The following CNTNAP2 variants were observed in gnomAD, a reference collection of about 807,000 sequenced individuals.
The protein encoded by CNTNAP2 is contactin-associated protein-like 2.
CNTNAP2 carries 98 observed loss-of-function variants against 155.2 expected under a neutral mutation model. The ratio of observed to expected loss-of-function variants is 0.63; its 90% confidence interval spans 0.54 to 0.75. The LOEUF is 0.75. Ranked by LOEUF, CNTNAP2 falls within the 30% of genes least tolerant of loss-of-function variation. The pLI, the probability that CNTNAP2 is intolerant of heterozygous loss-of-function variation, is 0.00. For synonymous variants in CNTNAP2, 651 were observed against 631.2 expected (o/e 1.03, Z -0.47); for missense variants, 1,727 against 1,688.1 (o/e 1.02, Z -0.40).
At chr7:147,224,087 A>G (rs1803469091) in intron 8 of CNTNAP2, among the ~76,000 whole-genome samples, 1 of 152,182 alleles carries the variant, frequency 6.6e-6, no homozygotes, top group Non-Finnish European at 1.5e-5. Context: ...TTGCTTCAGC[A>G]TGTTGTGATT....
intron 1 of CNTNAP2, among the ~76,000 whole-genome samples, chr7:146,177,078 C>G (rs1798480836): frequency 6.6e-6 from 1 of 152,210 alleles, no homozygotes; most frequent in Non-Finnish European, 1.5e-5. Flanking sequence ...ACTCCAGCCC[C>G]TTCTGCTCAA....
chr7:148,204,435 C>T (rs759306557), intron 18 of CNTNAP2, among the ~76,000 whole-genome samples: 1 of 151,114 alleles, frequency 6.6e-6, no homozygotes, highest in Non-Finnish European at 1.5e-5. Context: ...CAATAATCAG[C>T]AAATGGGAAT....
chr7:146,912,770 C>A (rs578231663), intron 3 of CNTNAP2, among the ~76,000 whole-genome samples: 7 of 152,146 alleles, frequency 4.6e-5, no homozygotes, highest in Non-Finnish European at 1.5e-5. Flanking sequence ...TATTTGACTG[C>A]GGGAATGAAA....
intron 1 of CNTNAP2, among the ~76,000 whole-genome samples, chr7:146,376,887 T>C (rs1465230989): frequency 6.6e-6 from 1 of 152,132 alleles, no homozygotes; most frequent in Non-Finnish European, 1.5e-5. Context: ...TGTCAGGATA[T>C]AGCATTAGTC....
intron 19 of CNTNAP2, 130 bp from the exon 20 acceptor site, chr7:148,229,516 C>A: frequency 1.6e-6 from 2 of 1,250,002 alleles, no homozygotes; most frequent in South Asian, 1.3e-5. Context: ...GAGCAAGACT[C>A]CGTCAAAAAA....
chr7:146,473,858 C>A (rs1584941638), intron 1 of CNTNAP2, among the ~76,000 whole-genome samples: 2 of 152,272 alleles, frequency 1.3e-5, no homozygotes, highest in African/African-American at 4.8e-5. Context: ...AAAATAACAT[C>A]TTTAAAAATC....
At chr7:147,287,488 C>A (rs946939624) in intron 8 of CNTNAP2, among the ~76,000 whole-genome samples, 1 of 152,068 alleles carries the variant, frequency 6.6e-6, no homozygotes, top group Non-Finnish European at 1.5e-5. Context: ...AGCAAAGAAT[C>A]TCTGCTACCT....
At chr7:146,684,363 A>G (rs573650249) in intron 1 of CNTNAP2, among the ~76,000 whole-genome samples, 2 of 152,286 alleles carry the variant, frequency 1.3e-5, no homozygotes, top group African/African-American at 4.8e-5. Flanking sequence ...TTATGTATCA[A>G]TAGCTATGCA....
chr7:146,573,309 A>T (rs1798471773), intron 1 of CNTNAP2, among the ~76,000 whole-genome samples: 1 of 151,988 alleles, frequency 6.6e-6, no homozygotes, highest in South Asian at 2.1e-4. Flanking sequence ...TGCCTAGCTA[A>T]GTTTTGTATT....
chr7:148,384,026 A>T (rs1799134544), intron 22 of CNTNAP2, 138 bp downstream of exon 22: 3 of 1,238,460 alleles, frequency 2.4e-6, no homozygotes, highest in Non-Finnish European at 3.4e-6. Context: ...GAACGTTGTG[A>T]GTACGGAGTT....
intron 1 of CNTNAP2, among the ~76,000 whole-genome samples, chr7:146,464,050 C>G (rs982983577): frequency 4.6e-5 from 7 of 152,050 alleles, no homozygotes; most frequent in African/African-American, 1.7e-4. Context: ...TTTTCTCCTA[C>G]TTATTTTCTT....
intron 3 of CNTNAP2, among the ~76,000 whole-genome samples, chr7:146,956,280 C>A (rs1038952090): frequency 1.3e-5 from 2 of 152,006 alleles, no homozygotes; most frequent in Non-Finnish European, 2.9e-5. Context: ...AGTGCATGAC[C>A]GTGGTAATAT....
intron 11 of CNTNAP2, among the ~76,000 whole-genome samples, chr7:147,514,436 A>T (rs954585122): frequency 6.6e-6 from 1 of 151,982 alleles, no homozygotes; most frequent in Non-Finnish European, 1.5e-5. Context: ...ATCTACTTTA[A>T]AAGTCTATTA....
intron 1 of CNTNAP2, among the ~76,000 whole-genome samples, chr7:146,740,481 CTGTT>C (rs1427521124): frequency 2.6e-5 from 4 of 152,060 alleles, no homozygotes; most frequent in Non-Finnish European, 5.9e-5. Flanking sequence ...CTTAAAATAT[CTGTT>C]TGGTGTTGTC....
At chr7:146,949,399 G>C (rs947954879) in intron 3 of CNTNAP2, among the ~76,000 whole-genome samples, 10 of 152,188 alleles carry the variant, frequency 6.6e-5, no homozygotes, top group African/African-American at 2.2e-4. Flanking sequence ...ATAGTTCTTT[G>C]CTTTTGCCAC....
chr7:146,236,674 TAATC>T (rs1235741622), intron 1 of CNTNAP2, among the ~76,000 whole-genome samples: 1 of 152,202 alleles, frequency 6.6e-6, no homozygotes, highest in Non-Finnish European at 1.5e-5. Flanking sequence ...AGCAGCAAAT[TAATC>T]AAACAAATCG....
chr7:146,733,208 C>A (rs1193374623), intron 1 of CNTNAP2, among the ~76,000 whole-genome samples: 1 of 152,038 alleles, frequency 6.6e-6, no homozygotes, highest in Non-Finnish European at 1.5e-5. Flanking sequence ...TCAGTTTAGT[C>A]AAACATTCAG....
chr7:146,130,526 A>G (rs767465993), intron 1 of CNTNAP2, among the ~76,000 whole-genome samples: 3 of 152,320 alleles, frequency 2.0e-5, no homozygotes, highest in Middle Eastern at 3.4e-3. Flanking sequence ...TGATAATTCA[A>G]TTATATTTAG....
At chr7:146,483,137 A>G (rs1257388242) in intron 1 of CNTNAP2, among the ~76,000 whole-genome samples, 13 of 149,778 alleles carry the variant, frequency 8.7e-5, no homozygotes, top group Admixed American at 7.3e-4. Context: ...TTAGCCGGGC[A>G]TGGTGGCGGG....
Sources: gnomAD v4.1 joint callset for allele counts (sites outside exome capture counted in the v4.1 genomes callset) on GRCh38, gnomAD v4.1.1 for gene constraint, MANE v1.5 for transcripts, NCBI Gene and HGNC (gene_info 2026-07-23, HGNC 2026-07-21) for gene names.